The following RBM33 variants were observed in gnomAD, a reference collection of about 807,000 sequenced individuals.
RBM33 encodes RNA-binding protein 33.
Under a neutral mutation model 132.6 loss-of-function variants are expected in RBM33, and 28 were observed. The ratio of observed to expected loss-of-function variants is 0.21; its 90% CI spans 0.16 to 0.29. The LOEUF is 0.29. Ranked by LOEUF, RBM33 falls within the 10% of genes least tolerant of loss-of-function variation. The probability of loss-of-function intolerance (pLI) is 1.00; values close to 1 mark genes in which losing one functional copy is unlikely to be tolerated. For missense variants in RBM33, 1,291 were observed against 1,518.5 expected (o/e 0.85, Z 2.49); for synonymous variants, 634 against 593.0 (o/e 1.07, Z -1.01).
rs758240050 is a variant in RBM33 at position 155,763,984 on chromosome 7, T to G, written c.3152T>G (p.Ile1051Ser). 8.2e-6 allele frequency: 13 copies of G among 1,577,730 alleles called. No individual in the cohort carries two copies. The East Asian group carries it at 2.7e-4, about 33-fold the overall frequency. ...PHAHSPVPPG[I>S]KSIQGIHPAK... ...GCACACTCGCCTGTCCCTCCAGGGA[T>G]CAAAAGCATCCAAGGAATTCACCCG... is the stretch of plus-strand genomic sequence containing the variant. The change falls in exon 15 of 18, where the codon ATC becomes AGC. Residue 1051 changes from isoleucine to serine, a missense_variant. Coordinates refer to ENST00000401878, the MANE Select transcript of RBM33 (RefSeq NM_053043.3).
Position 155,774,965 on chromosome 7 carries a change from T to C in RBM33, c.3465-28T>C, listed in dbSNP as rs1356063515. The C allele has an allele frequency of 6.2e-7, 1 of 1,610,642 alleles. No homozygotes were observed. The highest frequency in any genetic ancestry group is 8.5e-7 in the Non-Finnish European group (1 of 1,176,886). ...GTTGATTGCCGATGTGCAGGGTTAGTGTCGATCGTTTCTTTAAATTTTCAC... is the reference window on the plus strand; with the variant it reads ...GTTGATTGCCGATGTGCAGGGTTAGCGTCGATCGTTTCTTTAAATTTTCAC... On this transcript the variant is annotated intron_variant, in intron 17 of 17. Coordinates refer to ENST00000401878, the MANE Select transcript of RBM33 (RefSeq NM_053043.3). The surrounding 1 kb of genome is among the most constrained non-coding windows in gnomAD (Gnocchi z 4.2).
chr7:155,744,870 T>C, intron 13 of RBM33, 91 bp from the exon 14 acceptor site: 1 of 1,238,252 alleles, frequency 8.1e-7, no homozygotes, highest in East Asian at 2.5e-5. Flanking sequence ...ATTAAAGGAC[T>C]TGTGGTAAAT....
chr7:155,707,958 C>T (rs911335785), intron 7 of RBM33, among the ~76,000 whole-genome samples: 1 of 152,190 alleles, frequency 6.6e-6, no homozygotes, highest in African/African-American at 2.4e-5. Flanking sequence ...CTGGGCCCAA[C>T]CTATTCTTTC....
intron 16 of RBM33, among the ~76,000 whole-genome samples, chr7:155,771,868 T>C (rs1802437536): frequency 6.6e-6 from 1 of 152,148 alleles, no homozygotes; most frequent in Admixed American, 6.5e-5. Context: ...GCCTTCTGAG[T>C]ACCTAGGACT....
chr7:155,779,559 G>A lies in RBM33; in HGVS notation c.*4518G>A, dbSNP rs149015770. ...TTAAATCCTAAGGATTTTATGTAAG[G>A]TTTTTTTGCAACCTATTTAATTTTT... On this transcript the variant is annotated 3_prime_UTR_variant, in exon 18 of 18. Coordinates refer to ENST00000401878, the MANE Select transcript of RBM33 (RefSeq NM_053043.3). 1 of 152,232 alleles carries A rather than the reference G, an allele frequency of 6.6e-6. No individual in the cohort carries two copies. Among genetic ancestry groups the A allele is most frequent in the East Asian group, 1.9e-4 (1 of 5,190 alleles). 9.4% of individuals were successfully genotyped at this position (152,232 alleles called of 1,614,324 possible). A position where few individuals can be genotyped will look rare whatever the true frequency, so the allele number is the denominator to read the frequency against.
intron 16 of RBM33, among the ~76,000 whole-genome samples, chr7:155,771,224 A>G (rs533252731): frequency 6.6e-6 from 1 of 152,330 alleles, no homozygotes; most frequent in East Asian, 1.9e-4. Context: ...GTAGACGTGT[A>G]TATTTTCACA....
chr7:155,763,950 G>A lies in RBM33; in HGVS notation c.3118G>A (p.Gly1040Arg). The part of the protein sequence containing the change: ...GLQQPPHLPA[G>R]PHAHSPVPPG... The stretch of plus-strand genomic sequence containing the variant: ...CCAGCAGCCCCCACATCTGCCAGCG[G>A]GGCCCCACGCACACTCGCCTGTCCC... Residue 1040 changes from glycine (G) to arginine (R), a missense_variant, in exon 15 of 18, where the codon GGG becomes AGG. Gly to Arg is a moderately radical substitution (Grantham distance 125). This residue lies in a region of RBM33 where 841 missense variants were observed against 912.0 expected (regional missense o/e 0.92). Coordinates refer to ENST00000401878, the MANE Select transcript of RBM33 (RefSeq NM_053043.3). 1 of 1,599,476 alleles carries A rather than the reference G, an allele frequency of 6.3e-7. No homozygotes were observed. Among genetic ancestry groups the A allele is most frequent in the South Asian group, 1.1e-5 (1 of 88,588 alleles).
At chr7:155,752,544 C>A (rs1801716128) in intron 14 of RBM33, among the ~76,000 whole-genome samples, 1 of 150,032 alleles carries the variant, frequency 6.7e-6, no homozygotes, top group Non-Finnish European at 1.5e-5. Flanking sequence ...TCATTATTTG[C>A]AAATTTTGTT....
chr7:155,772,447 A>G (rs1447816043), intron 16 of RBM33, among the ~76,000 whole-genome samples: 2 of 152,222 alleles, frequency 1.3e-5, no homozygotes, highest in Non-Finnish European at 2.9e-5. Flanking sequence ...AAAGGGGTGC[A>G]TGCTGAAATA....
chr7:155,711,200 C>G lies in RBM33; in HGVS notation c.949-3C>G. On this transcript the variant is annotated splice_region_variant and splice_polypyrimidine_tract_variant and intron_variant, in intron 7 of 17. Coordinates refer to ENST00000401878, the MANE Select transcript of RBM33 (RefSeq NM_053043.3). ...TCATTCTCCAAGGTTAATTCCTCCA[C>G]AGCCCCAGGCTCCCCCTCCACCGCC... 1 of 1,526,498 alleles carries G rather than the reference C, an allele frequency of 6.6e-7. No individual in the cohort carries two copies. Among genetic ancestry groups the G allele is most frequent in the South Asian group, 1.2e-5 (1 of 80,688 alleles). 94.6% of individuals were successfully genotyped at this position (1,526,498 alleles called of 1,614,324 possible). A position where few individuals can be genotyped will look rare whatever the true frequency, so the allele number is the denominator to read the frequency against.
At chr7:155,655,534 C>CTTTTTTTTTTTTTT (rs756948005) in intron 1 of RBM33, among the ~76,000 whole-genome samples, 7 of 80,116 alleles carry the variant, frequency 8.7e-5, no homozygotes, top group African/African-American at 1.0e-4. Flanking sequence ...GGCTGTTTGC[C>CTTTTTTTTTTTTTT]TTTTTTTTTT....
intron 2 of RBM33, among the ~76,000 whole-genome samples, chr7:155,666,662 TACTC>T (rs1798811022): frequency 6.6e-6 from 1 of 152,246 alleles, no homozygotes; most frequent in Non-Finnish European, 1.5e-5. Context: ...TTCAATAGCT[TACTC>T]ATTATTTGGA....
intron 15 of RBM33, 91 bp downstream of exon 15, chr7:155,764,109 C>G: frequency 1.0e-6 from 1 of 962,924 alleles, no homozygotes; most frequent in South Asian, 1.7e-5. Flanking sequence ...GCGCATGGCA[C>G]ACAGTAGTAC....
At chr7:155,668,383 AT>A (rs1217233135) in intron 2 of RBM33, among the ~76,000 whole-genome samples, 2 of 151,992 alleles carry the variant, frequency 1.3e-5, no homozygotes, top group Non-Finnish European at 2.9e-5. Context: ...GTCTTCTAGA[AT>A]TTTTCCTTTT....
intron 14 of RBM33, among the ~76,000 whole-genome samples, chr7:155,748,871 A>G (rs574565744): frequency 1.3e-5 from 2 of 152,216 alleles, no homozygotes; most frequent in Non-Finnish European, 2.9e-5. Flanking sequence ...GATTGTGTTG[A>G]CTAGGGTCAA....
intron 5 of RBM33, chr7:155,685,103 C>T: frequency 6.5e-7 from 1 of 1,530,988 alleles, no homozygotes; most frequent in Non-Finnish European, 8.8e-7. Flanking sequence ...TTCCCTCCCC[C>T]AGACTTAAAA....
intron 3 of RBM33, among the ~76,000 whole-genome samples, chr7:155,677,092 G>A (rs761352683): frequency 6.6e-6 from 1 of 152,110 alleles, no homozygotes; most frequent in Admixed American, 6.6e-5. Context: ...GCCAAACTGA[G>A]GTTTGTCTGT....
chr7:155,685,575 G>A (rs1046332782), intron 5 of RBM33, among the ~76,000 whole-genome samples: 2 of 152,202 alleles, frequency 1.3e-5, no homozygotes, highest in South Asian at 2.1e-4. Flanking sequence ...GGAGCTCACC[G>A]AGGAAACCCC....
At chr7:155,772,509 G>A (rs918187577) in intron 16 of RBM33, among the ~76,000 whole-genome samples, 8 of 152,148 alleles carry the variant, frequency 5.3e-5, no homozygotes, top group African/African-American at 1.9e-4. Context: ...AAATACAGGC[G>A]GAATTTCAAA....
Sources: allele counts gnomAD v4.1 joint callset (sites outside exome capture counted in the v4.1 genomes callset), GRCh38; gene constraint gnomAD v4.1.1; regional missense constraint gnomAD v4.1.1; non-coding constraint Gnocchi (gnomAD v3.1); transcripts MANE v1.5; gene names NCBI Gene and HGNC (gene_info 2026-07-23, HGNC 2026-07-21).